Variants in SRGAP3 observed in about 807,000 individuals in gnomAD.
SRGAP3 encodes the protein SLIT-ROBO Rho GTPase-activating protein 3.
Under a neutral mutation model 121.1 loss-of-function variants are expected in SRGAP3, and 39 were observed. The observed-to-expected ratio is 0.32, with a 90% confidence interval of 0.25 to 0.42. The LOEUF is 0.42. Among genes scored for constraint, SRGAP3 ranks in the 10% least tolerant of loss-of-function variants. SRGAP3 has a pLI of 1.00. For synonymous variants in SRGAP3, 601 were observed against 570.0 expected (o/e 1.05, Z -0.77); for missense variants, 1,213 against 1,470.6 (o/e 0.82, Z 2.86).
intron 13 of SRGAP3, among the ~76,000 whole-genome samples, chr3:9,025,964 T>A (rs1944178563): frequency 6.6e-6 from 1 of 152,234 alleles, no homozygotes; most frequent in East Asian, 1.9e-4. Flanking sequence ...GGTTTGTATA[T>A]AGTATATCCT....
rs750191179 is a variant in SRGAP3 at position 8,992,950 on chromosome 3, G to T, written c.2514C>A (p.Pro838=). 1 of 1,614,226 alleles carries T rather than the reference G, an allele frequency of 6.2e-7. No homozygotes were observed. The highest frequency in any genetic ancestry group is 8.5e-7 in the Non-Finnish European group (1 of 1,180,054). ...AGCCGTAATCCGAGATGTGCTCCGT[G>T]GGGGACTGGAGGTCGTTTTTGGAAG... ...KASSKNDLQS[P]TEHISDYGFG... Residue 838 remains proline, a synonymous_variant, in exon 20 of 22, where the codon CCC becomes CCA. Transcript: ENST00000383836.
Position 9,013,841 on chromosome 3 carries a change from T to C in SRGAP3, c.1815A>G (p.Lys605=). ...ERFQDLISTI[K]LENPAERVHQ... is the part of the protein sequence containing the mutation. Reference sequence around the variant, plus strand: ...GCACCCTCTCGGCTGGGTTCTCCAGTTCTGTAACATAAAGGGGCCTTTCAG... The same window carrying C: ...GCACCCTCTCGGCTGGGTTCTCCAGCTCTGTAACATAAAGGGGCCTTTCAG... The change falls in exon 16 of 22, where the codon AAA becomes AAG. Residue 605 remains lysine, a splice_region_variant and synonymous_variant. Transcript: ENST00000383836. 1 of 1,614,160 alleles carries C rather than the reference T, an allele frequency of 6.2e-7. No homozygotes were observed. The highest frequency in any genetic ancestry group is 8.5e-7 in the Non-Finnish European group (1 of 1,180,008).
intron 1 of SRGAP3, among the ~76,000 whole-genome samples, chr3:9,151,444 C>T (rs532501015): frequency 3.9e-5 from 6 of 152,196 alleles, no homozygotes; most frequent in East Asian, 1.9e-4. Context: ...TGAACTTTGT[C>T]CTGAAGACAA....
At chr3:9,031,291 G>T (rs1944468819) in intron 12 of SRGAP3, among the ~76,000 whole-genome samples, 1 of 152,178 alleles carries the variant, frequency 6.6e-6, no homozygotes, top group South Asian at 2.1e-4. Flanking sequence ...GATGAAAGAA[G>T]AAAGTCTTGG....
chr3:9,194,857 T>C (rs1951870586), intron 1 of SRGAP3, among the ~76,000 whole-genome samples: 1 of 152,252 alleles, frequency 6.6e-6, no homozygotes, highest in Non-Finnish European at 1.5e-5. Context: ...CCAGGCCATG[T>C]ACCATCCCTT....
chr3:9,291,061 C>T (rs1245530285), intron 3 of SRGAP3, among the ~76,000 whole-genome samples: 2 of 152,082 alleles, frequency 1.3e-5, no homozygotes, highest in African/African-American at 4.8e-5. Context: ...TTTAATCACA[C>T]TTTACCGATA....
chr3:9,287,863 A>G (rs1954802363), intron 3 of SRGAP3, among the ~76,000 whole-genome samples: 1 of 152,080 alleles, frequency 6.6e-6, no homozygotes, highest in African/African-American at 2.4e-5. Flanking sequence ...TTTCACTCTG[A>G]TTGCTTTAAG....
In SRGAP3 at chr3:9,013,539, G is replaced by A; in HGVS notation, c.1920-4C>T. 6.2e-7 allele frequency: 1 copy of A among 1,613,984 alleles called. No individual in the cohort carries two copies. Among genetic ancestry groups the A allele is most frequent in the Non-Finnish European group, 8.5e-7 (1 of 1,179,964 alleles). On this transcript the variant is annotated splice_region_variant and splice_polypyrimidine_tract_variant and intron_variant, in intron 16 of 21. Transcript: ENST00000383836. The stretch of plus-strand genomic sequence containing the variant: ...CTCGTCGCTATACTGGGAGAGGCTA[G>A]GAGAGAGGAGTTACCCACAAGTCAT...
At chr3:9,052,553 C>G (rs1329770958) in intron 9 of SRGAP3, among the ~76,000 whole-genome samples, 1 of 152,210 alleles carries the variant, frequency 6.6e-6, no homozygotes, top group Non-Finnish European at 1.5e-5. Context: ...CTCCCAGTCC[C>G]TGTCCAAATG....
intron 1 of SRGAP3, among the ~76,000 whole-genome samples, chr3:9,131,530 C>T (rs1057465845): frequency 6.3e-5 from 9 of 142,766 alleles, no homozygotes; most frequent in East Asian, 4.1e-4. Context: ...CCTCTGCCTT[C>T]CCAGTTCAAG....
intron 1 of SRGAP3, among the ~76,000 whole-genome samples, chr3:9,339,063 T>C (rs1463182635): frequency 1.3e-5 from 2 of 152,222 alleles, no homozygotes; most frequent in Non-Finnish European, 2.9e-5. Flanking sequence ...AAATGACCCA[T>C]GGTCTTTTCC....
intron 1 of SRGAP3, among the ~76,000 whole-genome samples, chr3:9,226,107 G>A (rs1952979376): frequency 6.6e-6 from 1 of 152,066 alleles, no homozygotes. Context: ...AGCAGATCCT[G>A]CCCCGCAACC....
intron 20 of SRGAP3, 71 bp from the exon 21 acceptor site, chr3:8,990,910 C>A: frequency 7.5e-7 from 1 of 1,331,138 alleles, no homozygotes; most frequent in South Asian, 1.5e-5. Flanking sequence ...ATGGGTGAGT[C>A]AACCCCATGC....
chr3:9,285,421 AG>A, intron 3 of SRGAP3, among the ~76,000 whole-genome samples: 1 of 152,322 alleles, frequency 6.6e-6, no homozygotes, highest in East Asian at 1.9e-4. Flanking sequence ...AGGCCATAAA[AG>A]AATTCTCCAA....
At chr3:9,149,666 C>T (rs572270178) in intron 1 of SRGAP3, among the ~76,000 whole-genome samples, 3 of 152,302 alleles carry the variant, frequency 2.0e-5, no homozygotes, top group Non-Finnish European at 4.4e-5. Flanking sequence ...AAAGCAGTGG[C>T]GCTGCACTGC....
At chr3:9,332,221 A>G (rs1955620758) in intron 1 of SRGAP3, among the ~76,000 whole-genome samples, 1 of 152,122 alleles carries the variant, frequency 6.6e-6, no homozygotes, top group African/African-American at 2.4e-5. Flanking sequence ...CCAGGTTCAA[A>G]CAATTTTCAT....
intron 1 of SRGAP3, among the ~76,000 whole-genome samples, chr3:9,159,476 G>A (rs564704517): frequency 5.9e-5 from 9 of 152,234 alleles, no homozygotes; most frequent in Admixed American, 3.9e-4. Flanking sequence ...ATCAGCAAGC[G>A]TGACAGGGCC....
chr3:9,130,686 A>T (rs145567493), intron 1 of SRGAP3, among the ~76,000 whole-genome samples: 9 of 152,384 alleles, frequency 5.9e-5, no homozygotes, highest in African/African-American at 2.2e-4. Flanking sequence ...TATTAAAACA[A>T]AACAAACACA....
At chr3:8,988,816 A>G (rs1430282633) in intron 21 of SRGAP3, among the ~76,000 whole-genome samples, 1 of 152,202 alleles carries the variant, frequency 6.6e-6, no homozygotes, top group Non-Finnish European at 1.5e-5. Context: ...AGCACTACCT[A>G]GATCCCTCAC....
Sources: gnomAD v4.1 joint callset for allele counts (sites outside exome capture counted in the v4.1 genomes callset) on GRCh38, gnomAD v4.1.1 for gene constraint, MANE v1.5 for transcripts, NCBI Gene and HGNC (gene_info 2026-07-23, HGNC 2026-07-21) for gene names.